Variants in CAAP1 observed in about 807,000 individuals in gnomAD.
CAAP1 encodes caspase activity and apoptosis inhibitor 1.
A neutral mutation model predicts 34.0 loss-of-function variants in CAAP1; 20 were observed. That is an observed-to-expected ratio of 0.59 (90% CI 0.41 to 0.86). The LOEUF (loss-of-function observed/expected upper bound fraction) is 0.86, where lower values mean the gene tolerates loss of function less well. Ranked by LOEUF, CAAP1 falls within the 40% of genes least tolerant of loss-of-function variation. The pLI, the probability that CAAP1 is intolerant of heterozygous loss-of-function variation, is 0.00. For synonymous variants in CAAP1, 213 were observed against 166.7 expected, an observed-to-expected ratio of 1.28 and a Z score of -2.14; for missense variants, 538 against 450.5, an observed-to-expected ratio of 1.19 and a Z score of -1.76.
At chr9:26,888,030 ACTTT>A (rs1035737198) in intron 1 of CAAP1, among the ~76,000 whole-genome samples, 3 of 152,178 alleles carry the variant, frequency 2.0e-5, no homozygotes, top group African/African-American at 7.2e-5. Flanking sequence ...TGTCCATTTT[ACTTT>A]CTGTCTCCCA....
chr9:26,856,754 A>C (rs62544402), intron 5 of CAAP1, among the ~76,000 whole-genome samples: 10,991 of 152,320 alleles, frequency 0.072, 448 homozygotes, highest in Middle Eastern at 0.15. Flanking sequence ...AAAAAAATCT[A>C]ATCACGCTTC....
At chr9:26,854,038 G>A (rs752183733) in intron 5 of CAAP1, among the ~76,000 whole-genome samples, 2 of 152,140 alleles carry the variant, frequency 1.3e-5, no homozygotes, top group Non-Finnish European at 2.9e-5. Flanking sequence ...AGAAACCAAT[G>A]AGTACAAGTT....
intron 4 of CAAP1, among the ~76,000 whole-genome samples, chr9:26,862,054 A>G (rs1037060293): frequency 2.7e-4 from 41 of 152,184 alleles, no homozygotes; most frequent in Non-Finnish European, 6.0e-4. Flanking sequence ...AGAATACAAA[A>G]TTATTTGGCT....
chr9:26,845,674 G>A (rs1192246171), intron 5 of CAAP1, among the ~76,000 whole-genome samples: 8 of 151,992 alleles, frequency 5.3e-5, no homozygotes, highest in Admixed American at 2.6e-4. Context: ...ACGCCTGGCC[G>A]ATATCTGTAA....
chr9:26,892,763 G>T lies in CAAP1; in HGVS notation c.-48C>A, dbSNP rs185993992. On this transcript the variant is annotated 5_prime_UTR_variant, in exon 1 of 6. Transcript: ENST00000333916. The stretch of plus-strand genomic sequence containing the variant: ...GAGGAAAGTCCGCTGTCTCTGGTGC[G>T]ACCGAAGCCCGACTCCTGCGGCCGT... 586 of 1,512,272 alleles carry T rather than the reference G, an allele frequency of 3.9e-4. 2 individuals carry two copies. In the African/African-American group the frequency reaches 6.6e-3, roughly 17 times the overall value. The allele number at this position is 1,512,272 out of a possible 1,614,324, so 93.7% of individuals were successfully genotyped here. A position where few individuals can be genotyped will look rare whatever the true frequency, so the allele number is the denominator to read the frequency against.
chr9:26,854,824 T>A (rs1822830444), intron 5 of CAAP1, among the ~76,000 whole-genome samples: 1 of 152,190 alleles, frequency 6.6e-6, no homozygotes, highest in African/African-American at 2.4e-5. Flanking sequence ...ATTAGGGAAT[T>A]GCATAAGAAA....
chr9:26,871,527 A>G (rs887754704), intron 4 of CAAP1, among the ~76,000 whole-genome samples: 6 of 151,936 alleles, frequency 3.9e-5, no homozygotes, highest in African/African-American at 1.2e-4. Context: ...CAGTGAGCCA[A>G]GATCGTGCCA....
intron 5 of CAAP1, among the ~76,000 whole-genome samples, chr9:26,851,210 A>G (rs955326917): frequency 6.6e-6 from 1 of 152,230 alleles, no homozygotes; most frequent in Non-Finnish European, 1.5e-5. Flanking sequence ...AATACAAAAT[A>G]TAACAGAATT....
At chr9:26,854,673 T>A (rs1822827016) in intron 5 of CAAP1, among the ~76,000 whole-genome samples, 1 of 152,132 alleles carries the variant, frequency 6.6e-6, no homozygotes, top group African/African-American at 2.4e-5. Flanking sequence ...AGCACTGGTA[T>A]CCAAAATATA....
chr9:26,856,529 G>A (rs1397365926), intron 5 of CAAP1, among the ~76,000 whole-genome samples: 1 of 152,192 alleles, frequency 6.6e-6, no homozygotes, highest in Admixed American at 6.5e-5. Flanking sequence ...AAACCTGACA[G>A]CTAGAAAGGA....
In CAAP1 at chr9:26,892,751, TGTCTCTG is replaced by T. The variant is rs1308926021; in HGVS notation, c.-43_-37del. 6.5e-7 allele frequency: 1 copy of T among 1,537,286 alleles called. No individual in the cohort carries two copies. The highest frequency in any genetic ancestry group is 1.9e-5 in the Admixed American group (1 of 52,054). The stretch of plus-strand genomic sequence containing the variant: ...CTGCAACCATCGGAGGAAAGTCCGC[TGTCTCTG>T]GTGCGACCGAAGCCCGACTCCTGCG... On this transcript the variant is annotated 5_prime_UTR_variant, in exon 1 of 6. Transcript: ENST00000333916.
chr9:26,865,245 C>T (rs138281051), intron 4 of CAAP1, among the ~76,000 whole-genome samples: 82 of 152,180 alleles, frequency 5.4e-4, no homozygotes, highest in Non-Finnish European at 9.7e-4. Context: ...AGAAATTTGG[C>T]GAGGGGCAGT....
At chr9:26,847,198 A>AT (rs1171628621) in intron 5 of CAAP1, among the ~76,000 whole-genome samples, 584 of 34,676 alleles carry the variant, frequency 0.017, 149 homozygotes, top group Middle Eastern at 0.053. Flanking sequence ...AAAAAGCAAT[A>AT]TTTTTTTTTT....
At chr9:26,852,279 C>T (rs943993208) in intron 5 of CAAP1, among the ~76,000 whole-genome samples, 12 of 152,120 alleles carry the variant, frequency 7.9e-5, no homozygotes, top group South Asian at 2.1e-4. Flanking sequence ...CGTGGTGAAA[C>T]GCCGTCTCTA....
chr9:26,887,468 C>T lies in CAAP1; in HGVS notation c.349G>A (p.Ala117Thr), dbSNP rs760563517. 6 of 1,608,280 alleles carry T rather than the reference C, an allele frequency of 3.7e-6. No homozygotes were observed. In the South Asian group the frequency reaches 6.7e-5, roughly 18 times the overall value. ...LPTLEKELFL[A>T]EHSDLEEGGL... ...CCTTCTTCAAGGTCACTGTGCTCTG[C>T]CAAGAATAATTCTTTTTCCAAAGTT... is the stretch of plus-strand genomic sequence containing the variant. Residue 117 changes from alanine (A) to threonine (T), a missense_variant, in exon 2 of 6, where the codon GCA becomes ACA. Around this residue, in one of 3 missense-constraint regions of CAAP1, gnomAD observed 514 missense variants for 408.4 expected, o/e 1.26. Transcript: ENST00000333916.
intron 5 of CAAP1, among the ~76,000 whole-genome samples, chr9:26,855,856 G>A (rs1822858515): frequency 6.6e-6 from 1 of 152,174 alleles, no homozygotes; most frequent in Non-Finnish European, 1.5e-5. Context: ...AATAATGACT[G>A]AAGGTTTACA....
At chr9:26,851,765 C>T (rs1450064079) in intron 5 of CAAP1, among the ~76,000 whole-genome samples, 1 of 152,204 alleles carries the variant, frequency 6.6e-6, no homozygotes, top group East Asian at 1.9e-4. Context: ...ACAGCTGTCT[C>T]AATTTCCAAG....
At chr9:26,870,133 G>T (rs1823239696) in intron 4 of CAAP1, among the ~76,000 whole-genome samples, 1 of 149,912 alleles carries the variant, frequency 6.7e-6, no homozygotes, top group Non-Finnish European at 1.5e-5. Flanking sequence ...GGAAACCGTT[G>T]CCAAGCATAA....
intron 4 of CAAP1, among the ~76,000 whole-genome samples, chr9:26,879,853 T>G (rs1439234837): frequency 6.6e-6 from 1 of 152,176 alleles, no homozygotes; most frequent in East Asian, 1.9e-4. Context: ...GCTTCCCTAC[T>G]TCTGAGGTTT....
Sources: allele counts gnomAD v4.1 joint callset (sites outside exome capture counted in the v4.1 genomes callset), GRCh38; gene constraint gnomAD v4.1.1; regional missense constraint gnomAD v4.1.1; transcripts MANE v1.5; gene names NCBI Gene and HGNC (gene_info 2026-07-23, HGNC 2026-07-21).